The following DAB1 variants were observed in gnomAD, a reference collection of about 807,000 sequenced individuals.
The protein encoded by DAB1 is disabled homolog 1.
DAB1 carries 15 observed loss-of-function variants against 64.6 expected under a neutral mutation model. The ratio of observed to expected loss-of-function variants is 0.23; its 90% CI spans 0.16 to 0.36. The LOEUF (loss-of-function observed/expected upper bound fraction) is 0.36, where lower values mean the gene tolerates loss of function less well. DAB1 is among the 10% of genes least tolerant of loss of function. DAB1 has a pLI of 1.00. For missense variants in DAB1, 596 were observed against 706.7 expected (o/e 0.84, Z 1.78); for synonymous variants, 235 against 251.9 (o/e 0.93, Z 0.64).
chr1:57,013,855 G>T (rs887447129), intron 12 of DAB1, among the ~76,000 whole-genome samples: 4 of 152,180 alleles, frequency 2.6e-5, no homozygotes, highest in Non-Finnish European at 5.9e-5. Context: ...CCAGATGTTT[G>T]CAGAAGAAAT....
intron 4 of DAB1, among the ~76,000 whole-genome samples, chr1:58,291,626 A>C (rs1011566137): frequency 2.6e-5 from 4 of 152,188 alleles, no homozygotes; most frequent in African/African-American, 9.7e-5. Flanking sequence ...ATATTTACTA[A>C]CACTTACTGA....
chr1:57,129,306 T>G (rs1352345213), intron 4 of DAB1, among the ~76,000 whole-genome samples: 1 of 152,160 alleles, frequency 6.6e-6, no homozygotes, highest in Non-Finnish European at 1.5e-5. Flanking sequence ...AAAAATATGT[T>G]GATTTGGGCT....
intron 6 of DAB1, among the ~76,000 whole-genome samples, chr1:57,776,930 C>T (rs1012172251): frequency 2.0e-5 from 3 of 151,666 alleles, no homozygotes; most frequent in Non-Finnish European, 4.4e-5. Flanking sequence ...GATGCAAGTC[C>T]TCAGCAGATA....
intron 4 of DAB1, among the ~76,000 whole-genome samples, chr1:58,264,363 T>A (rs1381175151): frequency 6.6e-6 from 1 of 152,226 alleles, no homozygotes; most frequent in Non-Finnish European, 1.5e-5. Context: ...ATCCTGTCTG[T>A]AATGTGTTGG....
At chr1:57,143,510 C>T (rs752454172) in intron 3 of DAB1, among the ~76,000 whole-genome samples, 1 of 151,906 alleles carries the variant, frequency 6.6e-6, no homozygotes, top group African/African-American at 2.4e-5. Context: ...GTCTTTTATG[C>T]CTTTTTCTAG....
At chr1:58,435,093 C>T (rs1644926781) in intron 3 of DAB1, among the ~76,000 whole-genome samples, 1 of 152,114 alleles carries the variant, frequency 6.6e-6, no homozygotes, top group African/African-American at 2.4e-5. Context: ...TACTTGGGAC[C>T]CCTTTACTGG....
At chr1:57,223,851 C>A (rs1353917435) in intron 2 of DAB1, among the ~76,000 whole-genome samples, 1 of 152,140 alleles carries the variant, frequency 6.6e-6, no homozygotes, top group African/African-American at 2.4e-5. Flanking sequence ...GTGAGCTGTG[C>A]TACACAGCCT....
intron 1 of DAB1, among the ~76,000 whole-genome samples, chr1:57,305,454 G>A (rs1674055998): frequency 6.6e-6 from 1 of 152,216 alleles, no homozygotes; most frequent in Admixed American, 6.5e-5. Flanking sequence ...ACACATGAAA[G>A]AGGGATGGAT....
At chr1:58,504,323 T>A (rs918787501) in intron 3 of DAB1, among the ~76,000 whole-genome samples, 2 of 152,276 alleles carry the variant, frequency 1.3e-5, no homozygotes, top group African/African-American at 4.8e-5. Flanking sequence ...ACATCAAACA[T>A]ACGCTGACTT....
chr1:58,073,166 T>C (rs1219023449), intron 5 of DAB1, among the ~76,000 whole-genome samples: 1 of 152,214 alleles, frequency 6.6e-6, no homozygotes, highest in South Asian at 2.1e-4. Context: ...TCCATGTTCT[T>C]GACACCTATG....
In DAB1 at chr1:57,145,521, A is replaced by G. The variant is rs1659037509; in HGVS notation, c.68-92T>C. 8 of 1,372,994 alleles carry G rather than the reference A, an allele frequency of 5.8e-6. No individual in the cohort carries two copies. The East Asian group carries it at 1.9e-4, about 32-fold the overall frequency. 85.1% of individuals were successfully genotyped at this position (1,372,994 alleles called of 1,614,324 possible). A position where few individuals can be genotyped will look rare whatever the true frequency, so the allele number is the denominator to read the frequency against. ...ATTCCAAGATCCGCTGTCTGGTTTC[A>G]TCTACATTCCCGGAAAGTCAAATCA... is the stretch of plus-strand genomic sequence containing the variant. On this transcript the variant is annotated intron_variant, in intron 2 of 14. Transcript: ENST00000371236.
At chr1:57,658,713 T>C (rs1164301765) in intron 6 of DAB1, among the ~76,000 whole-genome samples, 1 of 152,014 alleles carries the variant, frequency 6.6e-6, no homozygotes, top group Non-Finnish European at 1.5e-5. Flanking sequence ...CAAGCATATG[T>C]CACCACGCCC....
At chr1:57,648,551 C>T (rs1558574409) in intron 7 of DAB1, among the ~76,000 whole-genome samples, 1 of 152,108 alleles carries the variant, frequency 6.6e-6, no homozygotes, top group Non-Finnish European at 1.5e-5. Context: ...CCTCTGTCTC[C>T]AAAAGCTTCT....
chr1:57,047,243 C>A (rs1020362106), intron 9 of DAB1, among the ~76,000 whole-genome samples: 1 of 152,200 alleles, frequency 6.6e-6, no homozygotes, highest in Non-Finnish European at 1.5e-5. Flanking sequence ...ACATTAAGTG[C>A]CTAGCACAGT....
intron 2 of DAB1, among the ~76,000 whole-genome samples, chr1:57,227,848 T>C (rs1342843588): frequency 1.3e-5 from 2 of 152,154 alleles, no homozygotes; most frequent in African/African-American, 4.8e-5. Context: ...TGAGCCACTG[T>C]GCCCAGCCAA....
At chr1:58,397,331 G>C (rs1644531897) in intron 3 of DAB1, among the ~76,000 whole-genome samples, 1 of 152,242 alleles carries the variant, frequency 6.6e-6, no homozygotes, top group African/African-American at 2.4e-5. Context: ...TTCCCCACAA[G>C]TGGGAGTGAG....
At chr1:58,473,992 CT>C in intron 3 of DAB1, 2 of 1,237,384 alleles carry the variant, frequency 1.6e-6, no homozygotes, top group Non-Finnish European at 2.2e-6. Flanking sequence ...GTAAATATCA[CT>C]TTATGCCTGG....
upstream of DAB1, among the ~76,000 whole-genome samples, chr1:57,886,258 A>T (rs972052144): frequency 4.6e-5 from 7 of 150,624 alleles, no homozygotes; most frequent in African/African-American, 1.5e-4. Flanking sequence ...TCCCGGCTTC[A>T]AGCAATTCTC....
chr1:57,109,281 T>TG (rs1655442175), intron 4 of DAB1, among the ~76,000 whole-genome samples: 1 of 152,232 alleles, frequency 6.6e-6, no homozygotes, highest in South Asian at 2.1e-4. Context: ...TAGTTCATGT[T>TG]GGGGTTCTAG....
Sources: gnomAD v4.1 joint callset for allele counts (sites outside exome capture counted in the v4.1 genomes callset) on GRCh38, gnomAD v4.1.1 for gene constraint, MANE v1.5 for transcripts, NCBI Gene and HGNC (gene_info 2026-07-23, HGNC 2026-07-21) for gene names.